SPOCK3: variants seen among roughly 807,000 people sequenced by gnomAD.
SPOCK3 encodes SPARC (osteonectin), cwcv and kazal like domains proteoglycan 3, also known as testican-3.
Under a neutral mutation model 56.6 loss-of-function variants are expected in SPOCK3, and 30 were observed. That is an observed-to-expected ratio of 0.53 (90% CI 0.40 to 0.72). The LOEUF (loss-of-function observed/expected upper bound fraction) is 0.72, where lower values mean the gene tolerates loss of function less well. SPOCK3 is among the 30% of genes least tolerant of loss of function. The pLI is 0.00. For missense variants in SPOCK3, 527 were observed against 530.0 expected, an observed-to-expected ratio of 0.99 and a Z score of 0.06; for synonymous variants, 196 against 183.3, an observed-to-expected ratio of 1.07 and a Z score of -0.56.
intron 5 of SPOCK3, among the ~76,000 whole-genome samples, chr4:166,907,459 C>T (rs1294012897): frequency 6.6e-6 from 1 of 152,088 alleles, no homozygotes; most frequent in Non-Finnish European, 1.5e-5. Context: ...TCTTTTCCTA[C>T]CTGTGAAGCT....
chr4:167,176,252 C>T (rs1730970347), intron 2 of SPOCK3, among the ~76,000 whole-genome samples: 1 of 152,090 alleles, frequency 6.6e-6, no homozygotes, highest in Non-Finnish European at 1.5e-5. Flanking sequence ...TCTGCCAAAT[C>T]CCTTTTGCTA....
chr4:167,124,083 G>A (rs1479718335), intron 2 of SPOCK3, among the ~76,000 whole-genome samples: 1 of 152,028 alleles, frequency 6.6e-6, no homozygotes, highest in Admixed American at 6.6e-5. Flanking sequence ...TCTTCACTAA[G>A]AATTCTGGAT....
At chr4:166,834,366 C>T (rs1746395359) in intron 6 of SPOCK3, among the ~76,000 whole-genome samples, 1 of 152,160 alleles carries the variant, frequency 6.6e-6, no homozygotes, top group South Asian at 2.1e-4. Context: ...AGCCCTGTGG[C>T]CTATCTTCAT....
chr4:166,829,803 C>T (rs1016926288), intron 6 of SPOCK3, among the ~76,000 whole-genome samples: 48 of 151,950 alleles, frequency 3.2e-4, no homozygotes, highest in African/African-American at 1.1e-3. Context: ...CTGTTTTACA[C>T]CAGGAGTTGT....
chr4:166,903,238 A>G (rs1736251119), intron 5 of SPOCK3, among the ~76,000 whole-genome samples: 1 of 151,310 alleles, frequency 6.6e-6, no homozygotes, highest in African/African-American at 2.4e-5. Flanking sequence ...GAATCCTTAG[A>G]CGTTTGAATT....
intron 2 of SPOCK3, among the ~76,000 whole-genome samples, chr4:167,074,542 T>C (rs2150274881): frequency 6.6e-6 from 1 of 152,058 alleles, no homozygotes; most frequent in East Asian, 2.0e-4. Flanking sequence ...CTTCCCCTAC[T>C]GTGGGAACTC....
intron 6 of SPOCK3, among the ~76,000 whole-genome samples, chr4:166,797,149 ACT>A (rs1385578115): frequency 2.6e-5 from 4 of 151,898 alleles, no homozygotes; most frequent in Non-Finnish European, 5.9e-5. Flanking sequence ...TCTTGAATTA[ACT>A]CTATTTTTAT....
At chr4:167,055,406 T>G (rs946194557) in intron 3 of SPOCK3, among the ~76,000 whole-genome samples, 4 of 152,184 alleles carry the variant, frequency 2.6e-5, no homozygotes, top group Non-Finnish European at 4.4e-5. Flanking sequence ...CATTTCCATC[T>G]GAGGTACTGG....
intron 6 of SPOCK3, among the ~76,000 whole-genome samples, chr4:166,872,199 T>G (rs1732560719): frequency 6.6e-6 from 1 of 151,898 alleles, no homozygotes. Context: ...GTCCTAGTAG[T>G]GTAATAAGAC....
chr4:166,770,861 C>T (rs62355208), intron 7 of SPOCK3, among the ~76,000 whole-genome samples: 36,944 of 151,604 alleles, frequency 0.24, 5,488 homozygotes, highest in African/African-American at 0.41. Context: ...GCTATGTTTA[C>T]GTAAGACAAA....
intron 2 of SPOCK3, among the ~76,000 whole-genome samples, chr4:167,073,942 C>T (rs35046243): frequency 0.026 from 3,917 of 151,666 alleles, 82 homozygotes; most frequent in Middle Eastern, 0.062. Context: ...CTTTGCACTA[C>T]TCAAAAATTT....
At chr4:166,768,548 A>C (rs1738461944) in intron 7 of SPOCK3, among the ~76,000 whole-genome samples, 1 of 152,208 alleles carries the variant, frequency 6.6e-6, no homozygotes, top group South Asian at 2.1e-4. Context: ...GCTTCTGTCA[A>C]GAGATCTGCT....
Position 166,998,526 on chromosome 4 carries a change from C to A in SPOCK3, c.350+1823G>T, listed in dbSNP as rs147506704. ...CGATCAGTACAGATTAGAATTGAAGCTCTGAAAATTTCTAGCTTTGTAGTC... is the reference window on the plus strand; with the variant it reads ...CGATCAGTACAGATTAGAATTGAAGATCTGAAAATTTCTAGCTTTGTAGTC... On this transcript the variant is annotated intron_variant, in intron 4 of 10. Transcript: ENST00000357545. Among the ~76,000 whole-genome samples the A allele has an allele frequency of 3.5e-4, 53 of 152,190 alleles. No individual in the cohort carries two copies. In the East Asian group the frequency reaches 0.01, roughly 29 times the overall value.
chr4:167,210,393 A>C (rs1349630617), intron 2 of SPOCK3, among the ~76,000 whole-genome samples: 2 of 152,162 alleles, frequency 1.3e-5, no homozygotes, highest in African/African-American at 2.4e-5. Flanking sequence ...CAGTGCATTG[A>C]ATCATTATTC....
At chr4:167,053,516 C>G (rs921419453) in intron 3 of SPOCK3, among the ~76,000 whole-genome samples, 1 of 151,896 alleles carries the variant, frequency 6.6e-6, no homozygotes, top group African/African-American at 2.4e-5. Context: ...GAAACACTGT[C>G]TCTACTAAAA....
At chr4:167,057,124 C>T (rs1754980370) in intron 3 of SPOCK3, among the ~76,000 whole-genome samples, 1 of 152,196 alleles carries the variant, frequency 6.6e-6, no homozygotes, top group Non-Finnish European at 1.5e-5. Flanking sequence ...AGAGTGGGGG[C>T]CAATATTCAA....
intron 7 of SPOCK3, among the ~76,000 whole-genome samples, chr4:166,786,890 C>T (rs536492445): frequency 9.2e-5 from 14 of 152,128 alleles, no homozygotes; most frequent in Non-Finnish European, 1.5e-4. Flanking sequence ...TGCAGGGAAA[C>T]GGAGTGCTGA....
intron 2 of SPOCK3, among the ~76,000 whole-genome samples, chr4:167,222,920 T>C (rs893486755): frequency 2.0e-3 from 258 of 128,240 alleles, no homozygotes; most frequent in Admixed American, 4.5e-3. Flanking sequence ...GATATGTTTA[T>C]ATATGAATAT....
intron 3 of SPOCK3, among the ~76,000 whole-genome samples, chr4:167,040,747 C>T (rs1271406320): frequency 2.0e-5 from 3 of 152,114 alleles, no homozygotes; most frequent in African/African-American, 7.2e-5. Context: ...TCAATATTTA[C>T]ATTCAAAGAT....
Sources: allele counts gnomAD v4.1 joint callset (sites outside exome capture counted in the v4.1 genomes callset), GRCh38; gene constraint gnomAD v4.1.1; transcripts MANE v1.5; gene names NCBI Gene and HGNC (gene_info 2026-07-23, HGNC 2026-07-21).